Variants in MAST4 observed in about 807,000 individuals in gnomAD.
MAST4 encodes the protein microtubule associated serine/threonine kinase family member 4.
In MAST4, 89 loss-of-function variants were observed where a neutral mutation model predicts 162.7. The ratio of observed to expected loss-of-function variants is 0.55; its 90% confidence interval spans 0.46 to 0.65. MAST4 has a LOEUF of 0.65. MAST4 is among the 30% of genes least tolerant of loss of function. The probability of loss-of-function intolerance (pLI) is 0.00; values close to 1 mark genes in which losing one functional copy is unlikely to be tolerated. For missense variants in MAST4, 3,153 were observed against 3,374.0 expected (o/e 0.93, Z 1.62); for synonymous variants, 1,479 against 1,361.1 (o/e 1.09, Z -1.91).
chr5:66,973,774 T>C (rs1490925264), intron 4 of MAST4, among the ~76,000 whole-genome samples: 1 of 152,204 alleles, frequency 6.6e-6, no homozygotes, highest in Non-Finnish European at 1.5e-5. Flanking sequence ...ATTCCCTCCT[T>C]TCTCTCCCTT....
chr5:67,003,251 A>C (rs1751492461), intron 4 of MAST4, among the ~76,000 whole-genome samples: 2 of 152,112 alleles, frequency 1.3e-5, no homozygotes, highest in South Asian at 4.2e-4. Flanking sequence ...AAATTGAGAA[A>C]ATAATGCCTT....
chr5:66,886,129 C>G (rs1762024965), intron 3 of MAST4, among the ~76,000 whole-genome samples: 1 of 152,198 alleles, frequency 6.6e-6, no homozygotes, highest in African/African-American at 2.4e-5. Context: ...AGCCACTCTG[C>G]CAGGCCATGT....
At chr5:66,786,272 GTTT>G (rs540263638) in intron 2 of MAST4, among the ~76,000 whole-genome samples, 1 of 144,348 alleles carries the variant, frequency 6.9e-6, no homozygotes. Context: ...ATTCTCCCAA[GTTT>G]TTTTTTTTTT....
At chr5:66,986,395 C>A in intron 4 of MAST4, 2 of 1,233,270 alleles carry the variant, frequency 1.6e-6, no homozygotes, top group Non-Finnish European at 1.2e-6. Flanking sequence ...GAAAGAAAAT[C>A]TGTAAATGTG....
intron 4 of MAST4, among the ~76,000 whole-genome samples, chr5:66,985,273 G>A (rs1264273838): frequency 6.6e-6 from 1 of 152,140 alleles, no homozygotes; most frequent in Non-Finnish European, 1.5e-5. Flanking sequence ...GATGCTGAAA[G>A]GTCTCTGCCC....
chr5:66,835,851 C>G (rs1580584993), intron 3 of MAST4, among the ~76,000 whole-genome samples: 1 of 152,138 alleles, frequency 6.6e-6, no homozygotes, highest in Non-Finnish European at 1.5e-5. Context: ...AAACTTAACA[C>G]AAAATTGCCT....
chr5:66,930,240 G>T (rs1238424907), intron 4 of MAST4, among the ~76,000 whole-genome samples: 1 of 152,156 alleles, frequency 6.6e-6, no homozygotes, highest in Non-Finnish European at 1.5e-5. Flanking sequence ...TAATACCATA[G>T]ATAGTGTTGG....
At chr5:66,916,532 C>T (rs1039584616) in intron 4 of MAST4, among the ~76,000 whole-genome samples, 2 of 152,182 alleles carry the variant, frequency 1.3e-5, no homozygotes, top group Non-Finnish European at 2.9e-5. Context: ...AGTGAAACAG[C>T]ACAAAGTTAT....
chr5:67,037,559 C>G (rs889152430), intron 4 of MAST4, among the ~76,000 whole-genome samples: 4 of 152,126 alleles, frequency 2.6e-5, no homozygotes, highest in Admixed American at 1.3e-4. Flanking sequence ...TGGATCTTAT[C>G]AATTTTTAAT....
intron 7 of MAST4, among the ~76,000 whole-genome samples, chr5:67,100,111 C>T (rs1382506808): frequency 6.6e-6 from 1 of 152,212 alleles, no homozygotes; most frequent in Non-Finnish European, 1.5e-5. Flanking sequence ...ATCTGTGATA[C>T]AGTGCTCCCT....
At chr5:66,684,736 T>C in intron 1 of MAST4, among the ~76,000 whole-genome samples, 1 of 152,172 alleles carries the variant, frequency 6.6e-6, no homozygotes. Flanking sequence ...AGAATAATGC[T>C]AGTAATTTTG....
intron 5 of MAST4, among the ~76,000 whole-genome samples, chr5:67,065,520 C>T (rs530028037): frequency 2.0e-5 from 3 of 152,200 alleles, no homozygotes; most frequent in East Asian, 3.9e-4. Context: ...GCAGGGGCTC[C>T]GTTAGTGTGA....
At chr5:66,940,455 G>C (rs1439584285) in intron 4 of MAST4, among the ~76,000 whole-genome samples, 2 of 152,136 alleles carry the variant, frequency 1.3e-5, no homozygotes, top group African/African-American at 4.8e-5. Context: ...AACTAAGTTT[G>C]TGTAATATTC....
At chr5:66,860,549 TTAAC>T (rs1440998874) in intron 3 of MAST4, among the ~76,000 whole-genome samples, 2 of 152,052 alleles carry the variant, frequency 1.3e-5, no homozygotes, top group Non-Finnish European at 2.9e-5. Flanking sequence ...CAATGTTTCT[TTAAC>T]TATCTTTCAG....
At chr5:66,683,878 G>A (rs1748478930) in intron 1 of MAST4, among the ~76,000 whole-genome samples, 3 of 152,130 alleles carry the variant, frequency 2.0e-5, no homozygotes. Flanking sequence ...GCAGAGACTG[G>A]TATTCCCATC....
chr5:67,093,432 T>A (rs1037297958), intron 6 of MAST4, among the ~76,000 whole-genome samples: 2 of 152,236 alleles, frequency 1.3e-5, no homozygotes, highest in Non-Finnish European at 1.5e-5. Flanking sequence ...TCTTAAGTAC[T>A]GTAGATAGCA....
chr5:66,615,514 T>A (rs1743612605), intron 1 of MAST4, among the ~76,000 whole-genome samples: 1 of 152,108 alleles, frequency 6.6e-6, no homozygotes, highest in Non-Finnish European at 1.5e-5. Context: ...CAGAATGAGT[T>A]TGATCTCAAG....
intron 1 of MAST4, among the ~76,000 whole-genome samples, chr5:66,604,838 G>A (rs1226975599): frequency 6.6e-6 from 1 of 152,204 alleles, no homozygotes; most frequent in African/African-American, 2.4e-5. Context: ...GGGCCTCAGG[G>A]CCTCATCAGT....
Position 67,163,415 on chromosome 5 carries a change from C to A in MAST4, c.4236C>A (p.Ala1412=), listed in dbSNP as rs948347916. 4 of 1,612,922 alleles carry A rather than the reference C, an allele frequency of 2.5e-6. No homozygotes were observed. The East Asian group carries it at 6.7e-5, about 27-fold the overall frequency. ...TGGGCAATTCCAAGATCGCGCAAGC[C>A]TTTCCCAGCAAGATGCACTCCCCGC... is the stretch of plus-strand genomic sequence containing the variant. The part of the protein sequence containing the change: ...HSLGNSKIAQ[A]FPSKMHSPPT... The change falls in exon 29 of 29, where the codon GCC becomes GCA. Residue 1412 remains alanine (A), a synonymous_variant. Coordinates refer to ENST00000403625, the MANE Select transcript of MAST4 (RefSeq NM_001164664.2). This position sits in a 1 kb window ranked among gnomAD's most constrained non-coding sequence, Gnocchi z 7.0.
Sources: gnomAD v4.1 joint callset for allele counts (sites outside exome capture counted in the v4.1 genomes callset) on GRCh38, gnomAD v4.1.1 for gene constraint, Gnocchi (gnomAD v3.1) non-coding constraint, MANE v1.5 for transcripts, NCBI Gene and HGNC (gene_info 2026-07-23, HGNC 2026-07-21) for gene names.